Variants in RTL4 observed in about 807,000 individuals in gnomAD.
RTL4 encodes the protein retrotransposon Gag-like protein 4.
A neutral mutation model predicts 5.3 loss-of-function variants in RTL4; 4 were observed. The ratio of observed to expected loss-of-function variants is 0.75; its 90% confidence interval spans 0.37 to 1.72. The LOEUF (loss-of-function observed/expected upper bound fraction) is 1.72, where lower values mean the gene tolerates loss of function less well. Ranked by LOEUF, RTL4 falls within the 40% of genes most tolerant of loss-of-function variation. RTL4 has a pLI of 0.04. For synonymous variants in RTL4, 98 were observed against 87.3 expected, an observed-to-expected ratio of 1.12 and a Z score of -0.68; for missense variants, 260 against 227.1, an observed-to-expected ratio of 1.14 and a Z score of -0.93.
the RTL4 span, among the ~76,000 whole-genome samples, chrX:112,448,180 T>C: frequency 8.9e-6 from 1 of 112,149 alleles, no homozygotes. Context: ...GAAAAGACCT[T>C]TTATTTCAAA....
the RTL4 span, among the ~76,000 whole-genome samples, chrX:112,113,901 C>T: frequency 9.0e-6 from 1 of 111,578 alleles, no homozygotes; most frequent in African/African-American, 3.3e-5. Context: ...TTTCTCTGAT[C>T]TCGCTTTTCC....
the RTL4 span, among the ~76,000 whole-genome samples, chrX:112,226,389 T>G: frequency 2.7e-5 from 3 of 112,043 alleles, no homozygotes; most frequent in East Asian, 8.4e-4. Flanking sequence ...TTCCCATCAC[T>G]ATGGGATGCG....
At chrX:112,369,507 A>G in the RTL4 span, among the ~76,000 whole-genome samples, 1 of 111,462 alleles carries the variant, frequency 9.0e-6, no homozygotes, top group Non-Finnish European at 1.9e-5. Flanking sequence ...CACAGTAGGA[A>G]TTCAATAAAT....
the RTL4 span, among the ~76,000 whole-genome samples, chrX:112,123,063 C>G: frequency 9.0e-6 from 1 of 111,361 alleles, no homozygotes; most frequent in South Asian, 3.7e-4. Flanking sequence ...TACAGCAGTT[C>G]AAGTTGCAAT....
the RTL4 span, among the ~76,000 whole-genome samples, chrX:112,183,824 A>T: frequency 1.8e-5 from 2 of 111,855 alleles, no homozygotes; most frequent in East Asian, 5.6e-4. Flanking sequence ...AAAAAATTTA[A>T]TTAGAAAATA....
the RTL4 span, among the ~76,000 whole-genome samples, chrX:112,378,847 T>C: frequency 8.9e-6 from 1 of 112,309 alleles, no homozygotes; most frequent in Non-Finnish European, 1.9e-5. Flanking sequence ...GAGACCAATG[T>C]TGAGTCTCCA....
At chrX:112,380,904 C>T in the RTL4 span, among the ~76,000 whole-genome samples, 1 of 111,651 alleles carries the variant, frequency 9.0e-6, no homozygotes, top group African/African-American at 3.3e-5. Flanking sequence ...AGATGGGGTC[C>T]CGAGGGCAGG....
chrX:112,188,617 A>T, the RTL4 span, among the ~76,000 whole-genome samples: 1 of 111,363 alleles, frequency 9.0e-6, no homozygotes, highest in Non-Finnish European at 1.9e-5. Context: ...TGGAGAGAAA[A>T]TGTTCCCTAG....
chrX:112,267,646 C>G, the RTL4 span, among the ~76,000 whole-genome samples: 1 of 111,621 alleles, frequency 9.0e-6, no homozygotes, highest in Non-Finnish European at 1.9e-5. Context: ...AGTTTGCAGA[C>G]TCATACTTCC....
chrX:112,249,792 T>TATAG, the RTL4 span, among the ~76,000 whole-genome samples: 571 of 96,735 alleles, frequency 5.9e-3, 4 homozygotes, highest in African/African-American at 0.02. Flanking sequence ...TATATATATA[T>TATAG]AGAGAGAGAG....
chrX:112,140,177 C>A, the RTL4 span, among the ~76,000 whole-genome samples: 1 of 111,475 alleles, frequency 9.0e-6, no homozygotes, highest in African/African-American at 3.3e-5. Context: ...TTGACATGCC[C>A]CATGTTTTGT....
the RTL4 span, among the ~76,000 whole-genome samples, chrX:112,195,671 T>C: frequency 2.7e-5 from 3 of 111,417 alleles, no homozygotes; most frequent in Non-Finnish European, 5.6e-5. Context: ...GTATTTCACA[T>C]AGGATTCTAG....
chrX:112,086,523 G>C, the RTL4 span, among the ~76,000 whole-genome samples: 2 of 112,298 alleles, frequency 1.8e-5, no homozygotes, highest in Non-Finnish European at 3.8e-5. Context: ...ACTAATGCAA[G>C]TTGTAGGATC....
the RTL4 span, among the ~76,000 whole-genome samples, chrX:112,412,818 C>A: frequency 9.0e-6 from 1 of 111,096 alleles, no homozygotes; most frequent in Non-Finnish European, 1.9e-5. Flanking sequence ...GAGTAATACT[C>A]CACAAACACA....
the RTL4 span, among the ~76,000 whole-genome samples, chrX:112,102,300 A>G: frequency 8.9e-6 from 1 of 111,943 alleles, no homozygotes; most frequent in South Asian, 3.7e-4. Context: ...GGTCTAAATC[A>G]CCACATGTAA....
chrX:112,188,605 C>T, the RTL4 span, among the ~76,000 whole-genome samples: 1 of 111,517 alleles, frequency 9.0e-6, no homozygotes, highest in East Asian at 2.8e-4. Flanking sequence ...TTTACTGATC[C>T]TTGGAGAGAA....
At chrX:112,423,244 T>C in the RTL4 span, among the ~76,000 whole-genome samples, 1 of 110,295 alleles carries the variant, frequency 9.1e-6, no homozygotes, top group Non-Finnish European at 1.9e-5. Context: ...ACTTGGTCGA[T>C]GCATGTGGAT....
At chrX:112,453,575 A>G (rs1926779791), upstream of RTL4, among the ~76,000 whole-genome samples, 1 of 111,930 alleles carries the variant, frequency 8.9e-6, no homozygotes, top group African/African-American at 3.2e-5. Flanking sequence ...GAAAGATAGA[A>G]AACATGGATT....
chrX:112,382,176 C>T, the RTL4 span: 1 of 1,200,787 alleles, frequency 8.3e-7, no homozygotes, highest in Non-Finnish European at 1.1e-6. Context: ...TTCCAAAGAC[C>T]ACACCCAGTC....
Sources: allele counts gnomAD v4.1 joint callset (sites outside exome capture counted in the v4.1 genomes callset), GRCh38; gene constraint gnomAD v4.1.1; transcripts MANE v1.5; gene names NCBI Gene and HGNC (gene_info 2026-07-23, HGNC 2026-07-21).